Variants in KNL1 observed in about 807,000 individuals in gnomAD.
KNL1 encodes kinetochore scaffold 1, also known as outer kinetochore KNL1 complex subunit KNL1.
In KNL1, 66 loss-of-function variants were observed where a neutral mutation model predicts 201.3. The observed-to-expected ratio is 0.33, with a 90% CI of 0.27 to 0.40. The LOEUF (loss-of-function observed/expected upper bound fraction) is 0.40, where lower values mean the gene tolerates loss of function less well. Ranked by LOEUF, KNL1 falls within the 10% of genes least tolerant of loss-of-function variation. KNL1 has a pLI of 1.00. For synonymous variants in KNL1, 895 were observed against 899.2 expected, an observed-to-expected ratio of 1.00 and a Z score of 0.08; for missense variants, 2,815 against 2,690.5, an observed-to-expected ratio of 1.05 and a Z score of -1.02.
Position 40,622,623 on chromosome 15 carries a change from T to G in KNL1, c.2359T>G (p.Leu787Val). ...ACTACAAGAACTTGGTAAAACTAAT[T>G]TAGAACACACTACTGGCCAGCTAAC... ...SELQELGKTN[L>V]EHTTGQLTTM... Residue 787 changes from leucine (L) to valine (V), a missense_variant, in exon 10 of 26, where the codon TTA (leucine) becomes GTA (valine). By Grantham distance (32) the Leu-to-Val change is conservative. Coordinates refer to ENST00000399668, the MANE Select transcript of KNL1 (RefSeq NM_144508.5). 1 of 1,602,240 alleles carries G rather than the reference T, an allele frequency of 6.2e-7. No homozygotes were observed. Among genetic ancestry groups the G allele is most frequent in the Non-Finnish European group, 8.5e-7 (1 of 1,175,122 alleles).
intron 16 of KNL1, among the ~76,000 whole-genome samples, chr15:40,646,290 A>T (rs1595942248): frequency 6.6e-6 from 1 of 152,256 alleles, no homozygotes; most frequent in Non-Finnish European, 1.5e-5. Flanking sequence ...ACTGTTTCCT[A>T]TGTTTAGTTT....
chr15:40,637,380 T>TTTTC (rs1555421999), intron 13 of KNL1, among the ~76,000 whole-genome samples: 4 of 151,386 alleles, frequency 2.6e-5, no homozygotes, highest in African/African-American at 9.8e-5. Flanking sequence ...TTTTTTTTTT[T>TTTTC]AAGTTTACTT....
intron 10 of KNL1, among the ~76,000 whole-genome samples, chr15:40,626,957 T>C (rs1892772145): frequency 6.6e-6 from 1 of 151,854 alleles, no homozygotes; most frequent in African/African-American, 2.4e-5. Flanking sequence ...CACAGTGGCG[T>C]GATCTCAGCT....
chr15:40,635,798 A>C (rs569925820), intron 13 of KNL1, among the ~76,000 whole-genome samples: 26 of 152,184 alleles, frequency 1.7e-4, no homozygotes, highest in African/African-American at 6.0e-4. Flanking sequence ...GACCCCCTGC[A>C]TGCTCATGTA....
At chr15:40,618,202 C>T (rs1323895937) in intron 8 of KNL1, among the ~76,000 whole-genome samples, 2 of 151,694 alleles carry the variant, frequency 1.3e-5, no homozygotes, top group Admixed American at 1.3e-4. Flanking sequence ...GAGTCTAATC[C>T]TTTATTTCCA....
chr15:40,598,307 A>T (rs1891680595), intron 1 of KNL1, among the ~76,000 whole-genome samples: 1 of 152,124 alleles, frequency 6.6e-6, no homozygotes, highest in Non-Finnish European at 1.5e-5. Context: ...CTGCTGGCTT[A>T]TACCGGTAAT....
At chr15:40,638,816 CT>C (rs1004167044) in intron 13 of KNL1, among the ~76,000 whole-genome samples, 170 of 138,700 alleles carry the variant, frequency 1.2e-3, no homozygotes, top group Admixed American at 1.2e-3. Flanking sequence ...TTCTTTCTTT[CT>C]TTTTTTTTTT....
intron 12 of KNL1, 101 bp from the exon 13 acceptor site, chr15:40,629,166 TCCATAA>T: frequency 1.7e-6 from 1 of 577,130 alleles, no homozygotes; most frequent in Non-Finnish European, 3.0e-6. Context: ...GGATAATATT[TCCATAA>T]ATGTATACAA....
intron 25 of KNL1, among the ~76,000 whole-genome samples, chr15:40,660,503 A>G (rs1041165843): frequency 5.9e-5 from 9 of 151,682 alleles, no homozygotes; most frequent in African/African-American, 1.7e-4. Context: ...CGCCTCTACT[A>G]AAAATACAAA....
At chr15:40,596,079 G>C (rs1891611623) in intron 1 of KNL1, among the ~76,000 whole-genome samples, 1 of 152,108 alleles carries the variant, frequency 6.6e-6, no homozygotes. Flanking sequence ...CGCTGTTTGA[G>C]GACCTACGGA....
At chr15:40,653,135 G>GCT (rs145978732) in intron 21 of KNL1, among the ~76,000 whole-genome samples, 2,020 of 151,872 alleles carry the variant, frequency 0.013, 47 homozygotes, top group African/African-American at 0.046. Flanking sequence ...TTTCTCCCTC[G>GCT]CTGTACATAT....
At position 40,662,231 on chromosome 15, in the gene KNL1, A is replaced by C. The variant is rs1266461651; in HGVS notation, c.*43A>C. The C allele has an allele frequency of 2.7e-6, 3 of 1,125,330 alleles. No homozygotes were observed. The East Asian group carries it at 7.1e-5, about 27-fold the overall frequency. 69.7% of individuals were successfully genotyped at this position (1,125,330 alleles called of 1,614,324 possible). The stretch of plus-strand genomic sequence containing the variant: ...GGAACAACCAAGCAGAATGTACTTG[A>C]TATTATTTCAGGGTCCCATTGCTGT... On this transcript the variant is annotated 3_prime_UTR_variant, in exon 26 of 26. Coordinates refer to ENST00000399668, the MANE Select transcript of KNL1 (RefSeq NM_144508.5).
intron 25 of KNL1, 84 bp downstream of exon 25, chr15:40,659,545 T>G: frequency 7.7e-7 from 1 of 1,303,948 alleles, no homozygotes; most frequent in Non-Finnish European, 1.0e-6. Flanking sequence ...CAGGCTGGAG[T>G]GTAGTGGCGC....
At chr15:40,604,800 G>A (rs533211930) in intron 2 of KNL1, among the ~76,000 whole-genome samples, 6 of 152,272 alleles carry the variant, frequency 3.9e-5, no homozygotes, top group East Asian at 3.9e-4. Context: ...TCTAAAAATC[G>A]TATAGTAGTA....
chr15:40,616,924 C>A (rs1892361793), intron 8 of KNL1, among the ~76,000 whole-genome samples: 1 of 152,088 alleles, frequency 6.6e-6, no homozygotes, highest in Non-Finnish European at 1.5e-5. Context: ...TCTTTTTCTG[C>A]CTATATGCAT....
intron 24 of KNL1, among the ~76,000 whole-genome samples, chr15:40,657,721 A>G (rs563252591): frequency 8.5e-5 from 13 of 152,132 alleles, no homozygotes; most frequent in Non-Finnish European, 1.8e-4. Context: ...TTCATTGTGC[A>G]TGTCTGCATC....
At chr15:40,603,225 A>G (rs1321120234) in intron 2 of KNL1, among the ~76,000 whole-genome samples, 2 of 152,104 alleles carry the variant, frequency 1.3e-5, no homozygotes, top group Non-Finnish European at 2.9e-5. Context: ...TCCTAATGCT[A>G]TCCCTCTCCC....
rs199699274 is a variant in KNL1 at position 40,621,787 on chromosome 15, T to A, written c.1523T>A (p.Ile508Lys). The change falls in exon 10 of 26, where the codon ATA becomes AAA. Residue 508 changes from isoleucine (I) to lysine (K), a missense_variant. Physicochemically the swap from Ile to Lys is moderately radical, Grantham distance 102 (BLOSUM62 -3). This residue lies in a region of KNL1 where 2,464 missense variants were observed against 2,291.7 expected (regional missense o/e 1.08). Transcript: ENST00000399668. The stretch of plus-strand genomic sequence containing the variant: ...AAACAAGATCAATCAAATGTGCAAA[T>A]AGCAGCTGCACCAACACCCGAAAAA... Reference protein sequence around the residue: ...IFKQDQSNVQIAAAPTPEKEM... With the variant: ...IFKQDQSNVQKAAAPTPEKEM... 157 of 1,613,916 alleles carry A rather than the reference T, an allele frequency of 9.7e-5. No homozygotes were observed. In the African/African-American group the frequency reaches 1.9e-3, roughly 19 times the overall value.
At chr15:40,642,038 A>G (rs957368780) in intron 14 of KNL1, among the ~76,000 whole-genome samples, 1 of 152,252 alleles carries the variant, frequency 6.6e-6, no homozygotes, top group Non-Finnish European at 1.5e-5. Flanking sequence ...AAGAAATAAA[A>G]TAGTCTTTAA....
Sources: gnomAD v4.1 joint callset for allele counts (sites outside exome capture counted in the v4.1 genomes callset) on GRCh38, gnomAD v4.1.1 for gene constraint, gnomAD v4.1.1 regional missense constraint, MANE v1.5 for transcripts, NCBI Gene and HGNC (gene_info 2026-07-23, HGNC 2026-07-21) for gene names.